Variants in EML5 observed in about 807,000 individuals in gnomAD.
The protein encoded by EML5 is echinoderm microtubule-associated protein-like 5.
Under a neutral mutation model 250.0 loss-of-function variants are expected in EML5, and 120 were observed. The ratio of observed to expected loss-of-function variants is 0.48; its 90% CI spans 0.41 to 0.56. EML5 has a LOEUF of 0.56. Among genes scored for constraint, EML5 ranks in the 20% least tolerant of loss-of-function variants. EML5 has a pLI of 0.00. For missense variants in EML5, 2,006 were observed against 2,437.6 expected (o/e 0.82, Z 3.73); for synonymous variants, 771 against 806.5 (o/e 0.96, Z 0.75).
rs749040657 is a variant in EML5, at chr14:88,665,446, G to A, written c.3168C>T (p.Ala1056=). The A allele has an allele frequency of 1.1e-5, 17 of 1,613,772 alleles. No homozygotes were observed. The highest frequency in any genetic ancestry group is 4.4e-5 in the South Asian group (4 of 91,084). Residue 1056 remains alanine (A), a synonymous_variant, in exon 22 of 44, where the codon GCC becomes GCT. Coordinates refer to ENST00000554922, the MANE Select transcript of EML5 (RefSeq NM_183387.3). ...CCFSPDGKAL[A]VGLNDGSFLM... ...AGAAGCTTCCATCGTTGAGACCTAC[G>A]GCTAAAGCTTTACCATCAGGAGAAA...
chr14:88,701,171 C>A (rs565073916), intron 14 of EML5, among the ~76,000 whole-genome samples: 2 of 152,166 alleles, frequency 1.3e-5, no homozygotes, highest in East Asian at 3.9e-4. Flanking sequence ...TTTTGCCTTC[C>A]AAGGGACATC....
intron 21 of EML5, among the ~76,000 whole-genome samples, chr14:88,679,607 G>A (rs1403617704): frequency 2.6e-5 from 4 of 152,074 alleles, no homozygotes; most frequent in African/African-American, 4.8e-5. Flanking sequence ...CAGAAGAATC[G>A]CTTGAACCTG....
At chr14:88,690,776 T>C (rs1329688352) in intron 17 of EML5, among the ~76,000 whole-genome samples, 2 of 152,036 alleles carry the variant, frequency 1.3e-5, no homozygotes, top group African/African-American at 4.8e-5. Flanking sequence ...AGAGAAAGGG[T>C]AGAAGAGTTA....
At chr14:88,789,223 TTTTATAGA>T (rs1013854820) in intron 1 of EML5, among the ~76,000 whole-genome samples, 2 of 152,140 alleles carry the variant, frequency 1.3e-5, no homozygotes, top group African/African-American at 4.8e-5. Context: ...TAGATACAGA[TTTTATAGA>T]TTTATAGATT....
chr14:88,672,683 C>T (rs180979121), intron 21 of EML5, among the ~76,000 whole-genome samples: 1 of 152,010 alleles, frequency 6.6e-6, no homozygotes, highest in East Asian at 1.9e-4. Context: ...CAAATCGACA[C>T]AATAAAAAAT....
chr14:88,693,050 T>C (rs1417325839), intron 17 of EML5, among the ~76,000 whole-genome samples: 3 of 152,214 alleles, frequency 2.0e-5, no homozygotes, highest in Non-Finnish European at 4.4e-5. Flanking sequence ...TACAAATGAC[T>C]AAAGTATCAT....
At chr14:88,672,287 C>T (rs561227881) in intron 21 of EML5, among the ~76,000 whole-genome samples, 2 of 152,214 alleles carry the variant, frequency 1.3e-5, no homozygotes, top group East Asian at 3.9e-4. Context: ...CAACCTGCTC[C>T]TAAATGACTC....
intron 33 of EML5, among the ~76,000 whole-genome samples, chr14:88,631,339 G>C (rs896224606): frequency 6.6e-6 from 1 of 152,122 alleles, no homozygotes; most frequent in African/African-American, 2.4e-5. Context: ...TCAACCTTCC[G>C]AGTAGCTGGA....
At chr14:88,667,682 CCCTT>C (rs1411419466) in intron 21 of EML5, among the ~76,000 whole-genome samples, 1 of 152,168 alleles carries the variant, frequency 6.6e-6, no homozygotes, top group Admixed American at 6.5e-5. Flanking sequence ...AGAAGTGACT[CCCTT>C]CCTCCAGTGT....
rs142880145 is a variant in EML5 at position 88,777,468 on chromosome 14, A to T, written c.197+14839T>A. Reference sequence around the variant, plus strand: ...AATCAGAAAGAAAAGGACATTAATGAGCAATAAGTAATCCCAAGTGGGTTT... The same window carrying T: ...AATCAGAAAGAAAAGGACATTAATGTGCAATAAGTAATCCCAAGTGGGTTT... On this transcript the variant is annotated intron_variant, in intron 1 of 43. Coordinates refer to ENST00000554922, the MANE Select transcript of EML5 (RefSeq NM_183387.3). 3.1e-4 allele frequency among the ~76,000 whole-genome samples: 47 copies of T among 152,366 alleles called. No homozygotes were observed. The East Asian group carries it at 9.1e-3, about 29-fold the overall frequency.
chr14:88,637,709 G>C (rs1414258160), intron 32 of EML5, among the ~76,000 whole-genome samples: 2 of 152,124 alleles, frequency 1.3e-5, no homozygotes, highest in African/African-American at 2.4e-5. Flanking sequence ...TATGTACCAA[G>C]AGGCATTGAG....
chr14:88,703,040 C>A (rs1347056925), intron 13 of EML5, among the ~76,000 whole-genome samples: 2 of 152,034 alleles, frequency 1.3e-5, no homozygotes. Context: ...AGCCACCATG[C>A]CCAGCCTGAA....
In EML5 at chr14:88,759,698, A is replaced by AAAAAAAAAAAAAC. The variant is rs758968634; in HGVS notation, c.198-5028_198-5027insGTTTTTTTTTTTT. Among the ~76,000 whole-genome samples the AAAAAAAAAAAAAC allele has an allele frequency of 5.6e-4, 80 of 142,182 alleles. 2 individuals are homozygous for AAAAAAAAAAAAAC. The highest frequency in any genetic ancestry group is 1.7e-3 in the African/African-American group (64 of 37,076). 93.3% of individuals were successfully genotyped at this position (142,182 alleles called of 152,430 possible). A position where few individuals can be genotyped will look rare whatever the true frequency, so the allele number is the denominator to read the frequency against. On this transcript the variant is annotated intron_variant, in intron 1 of 43. Transcript: ENST00000554922. ...GTCACCATCTCTTAAAAAAAAAAAA[A>AAAAAAAAAAAAAC]AAAAAACTGGGGAGAAAAACTATGC...
In EML5 at chr14:88,616,176, G is replaced by T; in HGVS notation, c.5863C>A (p.Arg1955=). ...VTNIRFTSGD[R]HVVSAGGDDC... The stretch of plus-strand genomic sequence containing the variant: ...TCACCTCCAGCACTAACAACATGTC[G>T]ATCACCACTGGTAAATCGAATATTT... Residue 1955 remains arginine (R), a synonymous_variant, in exon 43 of 44, where the codon CGA becomes AGA. Transcript: ENST00000554922. 1 of 1,613,818 alleles carries T rather than the reference G, an allele frequency of 6.2e-7. No individual in the cohort carries two copies. The highest frequency in any genetic ancestry group is 1.1e-5 in the South Asian group (1 of 91,048).
chr14:88,624,723 T>C, intron 36 of EML5: 1 of 446,148 alleles, frequency 2.2e-6, no homozygotes, highest in South Asian at 2.9e-5. Flanking sequence ...GTAACTCAAC[T>C]TGTAGGACAA....
Position 88,636,148 on chromosome 14 carries a change from T to G in EML5, c.4337-1659A>C, listed in dbSNP as rs531627865. ...GGCCACCCCTCAAGAGTATACACAT[T>G]GGTTGTACAGTCTGTCACTGGGAGG... On this transcript the variant is annotated intron_variant, in intron 32 of 43. Coordinates refer to ENST00000554922, the MANE Select transcript of EML5 (RefSeq NM_183387.3). 2.6e-3 allele frequency among the ~76,000 whole-genome samples: 398 copies of G among 152,256 alleles called. 3 individuals carry two copies. Among genetic ancestry groups the G allele is most frequent in the Non-Finnish European group, 4.6e-3 (316 of 68,022 alleles).
intron 1 of EML5, among the ~76,000 whole-genome samples, chr14:88,790,941 A>G (rs2094599727): frequency 6.6e-6 from 1 of 152,206 alleles, no homozygotes. Context: ...AGAAAAATGA[A>G]ATGACTTATC....
Position 88,615,830 on chromosome 14 carries a change from A to C in EML5, c.5922T>G (p.His1974Gln). The change falls in exon 44 of 44, where the codon CAT (histidine) becomes CAG (glutamine). Residue 1974 changes from histidine to glutamine, a missense_variant. Physicochemically the swap from His to Gln is conservative, Grantham distance 24. Transcript: ENST00000554922. ...DCSLFVWKCV[H>Q]TPH ...ATCTCAGCATCTCTCAGTGAGGTGT[A>C]TGTACACATTTCCAGACAAATAAGC... 1 of 1,612,094 alleles carries C rather than the reference A, an allele frequency of 6.2e-7. No homozygotes were observed. Among genetic ancestry groups the C allele is most frequent in the Non-Finnish European group, 8.5e-7 (1 of 1,179,118 alleles).
Position 88,792,237 on chromosome 14 carries a change from G to C in EML5, c.197+70C>G. The C allele has an allele frequency of 6.6e-7, 1 of 1,519,378 alleles. No individual in the cohort carries two copies. The highest frequency in any genetic ancestry group is 8.8e-7 in the Non-Finnish European group (1 of 1,133,204). 94.1% of individuals were successfully genotyped at this position (1,519,378 alleles called of 1,614,324 possible). A position where few individuals can be genotyped will look rare whatever the true frequency, so the allele number is the denominator to read the frequency against. On this transcript the variant is annotated intron_variant, in intron 1 of 43. Coordinates refer to ENST00000554922, the MANE Select transcript of EML5 (RefSeq NM_183387.3). The surrounding 1 kb of genome is among the most constrained non-coding windows in gnomAD (Gnocchi z 6.9). The stretch of plus-strand genomic sequence containing the variant: ...CGTGCAGGAGCGGTCACGGCGTCCA[G>C]AGGAACCCGCGGGTGCAAACTCCGG...
Sources: allele counts gnomAD v4.1 joint callset (sites outside exome capture counted in the v4.1 genomes callset), GRCh38; gene constraint gnomAD v4.1.1; non-coding constraint Gnocchi (gnomAD v3.1); transcripts MANE v1.5; gene names NCBI Gene and HGNC (gene_info 2026-07-23, HGNC 2026-07-21).